Variants in FHAD1 observed in about 807,000 individuals in gnomAD.
The protein encoded by FHAD1 is forkhead associated phosphopeptide binding domain 1.
In FHAD1, 146 loss-of-function variants were observed where a neutral mutation model predicts 191.3. The observed-to-expected ratio is 0.76, with a 90% CI of 0.67 to 0.88. The LOEUF (loss-of-function observed/expected upper bound fraction) is 0.88, where lower values mean the gene tolerates loss of function less well. Among genes scored for constraint, FHAD1 ranks in the 40% least tolerant of loss-of-function variants. FHAD1 has a pLI of 0.00. For synonymous variants in FHAD1, 616 were observed against 672.3 expected (o/e 0.92, Z 1.29); for missense variants, 1,635 against 1,785.8 (o/e 0.92, Z 1.52).
intron 14 of FHAD1, chr1:15,335,381 A>T (rs370179727): frequency 6.6e-6 from 1 of 151,854 alleles, no homozygotes; most frequent in East Asian, 1.9e-4. Context: ...CAAATAAAAG[A>T]CTCTTCTTGC....
downstream of FHAD1, among the ~76,000 whole-genome samples, chr1:15,399,348 C>G (rs896992381): frequency 2.6e-5 from 4 of 152,048 alleles, no homozygotes; most frequent in Non-Finnish European, 5.9e-5. Context: ...AGGAGGATTG[C>G]TTGAGCCTAG....
intron 31 of FHAD1, among the ~76,000 whole-genome samples, chr1:15,385,954 G>A (rs1171315534): frequency 6.6e-6 from 1 of 152,198 alleles, no homozygotes; most frequent in Non-Finnish European, 1.5e-5. Flanking sequence ...CAGTGTGACA[G>A]TGACAATGGC....
At chr1:15,302,304 G>C (rs1669066304) in intron 6 of FHAD1, among the ~76,000 whole-genome samples, 1 of 152,214 alleles carries the variant, frequency 6.6e-6, no homozygotes, top group Non-Finnish European at 1.5e-5. Flanking sequence ...CCTGAAGGCA[G>C]TTAGTTACTG....
At chr1:15,341,222 A>G (rs1686540872) in intron 15 of FHAD1, among the ~76,000 whole-genome samples, 1 of 152,150 alleles carries the variant, frequency 6.6e-6, no homozygotes, top group South Asian at 2.1e-4. Flanking sequence ...CTTATTTACA[A>G]AAGTATGCAG....
chr1:15,301,190 C>G lies in FHAD1; in HGVS notation c.679-15C>G, dbSNP rs762537863. On this transcript the variant is annotated splice_polypyrimidine_tract_variant and intron_variant, in intron 5 of 33. Transcript: ENST00000688493. ...GGCCCACACCTAGTAAGCCTCCCAT[C>G]TGATCTCTACCCAGGATGAAATAAT... 7.3e-5 allele frequency: 113 copies of G among 1,550,500 alleles called. No homozygotes were observed. Among genetic ancestry groups the G allele is most frequent in the Non-Finnish European group, 9.4e-5 (108 of 1,146,220 alleles).
chr1:15,246,207 C>T (rs1053739610), upstream of FHAD1, among the ~76,000 whole-genome samples: 1 of 152,026 alleles, frequency 6.6e-6, no homozygotes, highest in Non-Finnish European at 1.5e-5. Context: ...AGAACTCACT[C>T]GCTATCATGA....
intron 31 of FHAD1, chr1:15,383,097 T>C (rs1235805635): frequency 4.2e-6 from 2 of 471,744 alleles, no homozygotes; most frequent in South Asian, 3.1e-5. Context: ...CCCGCACTTA[T>C]TAACTGTGCG....
At chr1:15,266,136 G>T (rs1653382262) in intron 2 of FHAD1, among the ~76,000 whole-genome samples, 1 of 151,980 alleles carries the variant, frequency 6.6e-6, no homozygotes, top group Non-Finnish European at 1.5e-5. Flanking sequence ...TTGAGACAGG[G>T]TCTCGCTCTG....
intron 20 of FHAD1, among the ~76,000 whole-genome samples, chr1:15,354,901 A>T (rs1320042117): frequency 6.6e-6 from 1 of 152,072 alleles, no homozygotes; most frequent in East Asian, 1.9e-4. Flanking sequence ...TATCCTTAGA[A>T]CAGTAACACC....
chr1:15,327,974 G>A lies in FHAD1; in HGVS notation c.1558-303G>A, dbSNP rs185803789. On this transcript the variant is annotated intron_variant, in intron 12 of 33. Coordinates refer to ENST00000688493, the MANE Select transcript of FHAD1 (RefSeq NM_001391957.1). The surrounding 1 kb of genome is among the most constrained non-coding windows in gnomAD (Gnocchi z 5.1). ...CTTGAACCCAGGAGGCGGAGGTTGC[G>A]GTGAGCCGAGATCAAACCATTGCAC... The A allele has an allele frequency of 8.6e-4, 138 of 160,766 alleles. No homozygotes were observed. The highest frequency in any genetic ancestry group is 3.0e-3 in the African/African-American group (124 of 41,650). The allele number at this position is 160,766 out of a possible 1,614,324, so 10.0% of individuals were successfully genotyped here.
chr1:15,238,934 G>T (rs1453876391), intron 1 of FHAD1, among the ~76,000 whole-genome samples: 2 of 152,158 alleles, frequency 1.3e-5, no homozygotes, highest in East Asian at 1.9e-4. Context: ...AGAGACGGGG[G>T]TCTCACTAAG....
At chr1:15,282,542 G>C (rs1263503848) in intron 3 of FHAD1, among the ~76,000 whole-genome samples, 1 of 152,162 alleles carries the variant, frequency 6.6e-6, no homozygotes, top group Non-Finnish European at 1.5e-5. Context: ...TGAGTAAGAC[G>C]AAAGTGAAAT....
rs1369001226 is a variant in FHAD1, at chr1:15,341,856, G to A, written c.2098G>A (p.Ala700Thr). 6.4e-7 allele frequency: 1 copy of A among 1,551,680 alleles called. No homozygotes were observed. Among genetic ancestry groups the A allele is most frequent in the East Asian group, 2.4e-5 (1 of 40,922 alleles). ...GCTAGAGCAAGAGGAGAAGCTCAAAGCCAAAATCAGGCAACTGACGGAAGA... is the reference window on the plus strand; with the variant it reads ...GCTAGAGCAAGAGGAGAAGCTCAAAACCAAAATCAGGCAACTGACGGAAGA... ...ERLEQEEKLK[A>T]KIRQLTEEKA... The change falls in exon 16 of 34, where the codon GCC (alanine) becomes ACC (threonine). Residue 700 changes from alanine (A) to threonine (T), a missense_variant. Coordinates refer to ENST00000688493, the MANE Select transcript of FHAD1 (RefSeq NM_001391957.1).
At chr1:15,340,039 T>C (rs1228019816) in intron 15 of FHAD1, among the ~76,000 whole-genome samples, 6 of 152,168 alleles carry the variant, frequency 3.9e-5, no homozygotes, top group Non-Finnish European at 5.9e-5. Context: ...TTGGCCAGGC[T>C]GGTCTTGAAC....
intron 33 of FHAD1, among the ~76,000 whole-genome samples, chr1:15,394,258 G>GCTGGAGACCTGGGGACCTGGGA (rs1557471637): frequency 6.6e-6 from 1 of 152,162 alleles, no homozygotes; most frequent in African/African-American, 2.4e-5. Context: ...CAGCCCTGGG[G>GCTGGAGACCTGGGGACCTGGGA]CTGGAGACCT....
chr1:15,383,071 G>A (rs1308208316), intron 31 of FHAD1: 2 of 471,456 alleles, frequency 4.2e-6, no homozygotes, highest in South Asian at 1.5e-5. Context: ...GAGTCAGCCG[G>A]TCCTGGGCTC....
chr1:15,390,194 A>C (rs2103100539), intron 32 of FHAD1, among the ~76,000 whole-genome samples: 1 of 152,040 alleles, frequency 6.6e-6, no homozygotes, highest in East Asian at 1.9e-4. Context: ...AAAAATACAA[A>C]AATTAGCCGG....
intron 5 of FHAD1, among the ~76,000 whole-genome samples, chr1:15,297,056 A>G (rs567015257): frequency 7.5e-4 from 115 of 152,370 alleles, no homozygotes; most frequent in Admixed American, 1.1e-3. Flanking sequence ...TGTCTTCAAA[A>G]TAGGTTTTTT....
rs772214106 is a variant in FHAD1 at position 15,386,287 on chromosome 1, G to A, written c.4189-1764G>A. ...CGGGGGCGGGGGCAGTGCCTGCATC[G>A]CTTTCAATGAGCTTCCTGCCCGCTG... On this transcript the variant is annotated intron_variant, in intron 31 of 33. Coordinates refer to ENST00000688493, the MANE Select transcript of FHAD1 (RefSeq NM_001391957.1). Among the ~76,000 whole-genome samples, 13 of 152,380 alleles carry A rather than the reference G, an allele frequency of 8.5e-5. No homozygotes were observed. The East Asian group carries it at 1.3e-3, about 16-fold the overall frequency.
Sources: gnomAD v4.1 joint callset for allele counts (sites outside exome capture counted in the v4.1 genomes callset) on GRCh38, gnomAD v4.1.1 for gene constraint, Gnocchi (gnomAD v3.1) non-coding constraint, MANE v1.5 for transcripts, NCBI Gene and HGNC (gene_info 2026-07-23, HGNC 2026-07-21) for gene names.